The following TPRG1 variants were observed in gnomAD, a reference collection of about 807,000 sequenced individuals.
TPRG1 encodes the protein tumor protein p63-regulated gene 1 protein.
A neutral mutation model predicts 29.3 loss-of-function variants in TPRG1; 29 were observed. The observed-to-expected ratio is 0.99, with a 90% CI of 0.74 to 1.35. TPRG1 has a LOEUF of 1.35. TPRG1 is among the 40% of genes most tolerant of loss of function. The probability of loss-of-function intolerance (pLI) is 0.00; values close to 1 mark genes in which losing one functional copy is unlikely to be tolerated. For synonymous variants in TPRG1, 130 were observed against 116.8 expected (o/e 1.11, Z -0.73); for missense variants, 327 against 335.0 (o/e 0.98, Z 0.19).
intron 3 of TPRG1, among the ~76,000 whole-genome samples, chr3:189,225,223 G>A (rs1457401280): frequency 3.3e-5 from 5 of 152,160 alleles, no homozygotes; most frequent in African/African-American, 7.2e-5. Flanking sequence ...GAGCCATCAC[G>A]CCCTGCCGTC....
At chr3:189,139,141 A>T (rs1238299128) in intron 3 of TPRG1, among the ~76,000 whole-genome samples, 2 of 152,206 alleles carry the variant, frequency 1.3e-5, no homozygotes. Flanking sequence ...GCTGATCCTC[A>T]CAAAGGAGGA....
At chr3:189,180,735 C>T (rs1307218018) in intron 1 of TPRG1, among the ~76,000 whole-genome samples, 2 of 152,138 alleles carry the variant, frequency 1.3e-5, no homozygotes, top group Non-Finnish European at 2.9e-5. Flanking sequence ...CAGTGCAAAC[C>T]GTCAGCGCAT....
intron 4 of TPRG1, among the ~76,000 whole-genome samples, chr3:189,277,509 GT>G (rs71634088): frequency 0.11 from 17,098 of 152,114 alleles, 1,311 homozygotes; most frequent in Admixed American, 0.23. Flanking sequence ...TTTAAAATGT[GT>G]TTTTTCATTT....
intron 3 of TPRG1, among the ~76,000 whole-genome samples, chr3:189,229,644 A>G (rs532016702): frequency 1.3e-5 from 2 of 152,358 alleles, no homozygotes; most frequent in African/African-American, 2.4e-5. Context: ...GGCGCACACC[A>G]GTCAGGAGGA....
chr3:189,310,667 A>C, intron 5 of TPRG1, 128 bp downstream of exon 5: 4 of 412,030 alleles, frequency 9.7e-6, no homozygotes, highest in Non-Finnish European at 1.5e-5. Flanking sequence ...AATAAAATAA[A>C]ACCAGCAATT....
chr3:189,289,205 T>G (rs1408402874), intron 4 of TPRG1, among the ~76,000 whole-genome samples: 4 of 152,162 alleles, frequency 2.6e-5, no homozygotes, highest in Non-Finnish European at 4.4e-5. Flanking sequence ...AAAACCTGCT[T>G]CTCTTCTGTA....
chr3:189,192,301 G>A lies in TPRG1; in HGVS notation c.-9-15075G>A, dbSNP rs539546107. Among the ~76,000 whole-genome samples, 7 of 152,218 alleles carry A rather than the reference G, an allele frequency of 4.6e-5. No homozygotes were observed. In the South Asian group the frequency reaches 1.0e-3, roughly 23 times the overall value. On this transcript the variant is annotated intron_variant, in intron 1 of 5. Coordinates refer to ENST00000345063, the MANE Select transcript of TPRG1 (RefSeq NM_198485.4). The stretch of plus-strand genomic sequence containing the variant: ...CTAAATTCCCTTTGCATTTTCTGTC[G>A]TGGAAGCTCCATGTAGTAAAGATAT...
chr3:189,125,817 G>T (rs1327992110), intron 1 of TPRG1, among the ~76,000 whole-genome samples: 5 of 28,364 alleles, frequency 1.8e-4, no homozygotes, highest in African/African-American at 1.5e-3. Context: ...GGTGTTTTGT[G>T]TGTGTGTGTG....
chr3:189,029,561 A>G (rs1437952320), intron 4 of TPRG1, among the ~76,000 whole-genome samples: 1 of 152,264 alleles, frequency 6.6e-6, no homozygotes, highest in Non-Finnish European at 1.5e-5. Context: ...AAGGCAATGT[A>G]GTATAAGCCT....
chr3:189,177,816 T>C (rs962996993), intron 1 of TPRG1, among the ~76,000 whole-genome samples: 3 of 152,152 alleles, frequency 2.0e-5, no homozygotes, highest in Non-Finnish European at 4.4e-5. Flanking sequence ...CTGTAGACAA[T>C]GCATCCCTAA....
chr3:189,293,655 A>G (rs1719390520), intron 4 of TPRG1, among the ~76,000 whole-genome samples: 2 of 152,204 alleles, frequency 1.3e-5, no homozygotes, highest in Admixed American at 1.3e-4. Context: ...AGAAAGGGAC[A>G]TGGTGCAATT....
At chr3:189,306,031 T>A (rs1577020457) in intron 4 of TPRG1, among the ~76,000 whole-genome samples, 1 of 152,242 alleles carries the variant, frequency 6.6e-6, no homozygotes, top group African/African-American at 2.4e-5. Context: ...AAGTTTCTAT[T>A]TGTGCTTTTT....
At chr3:189,105,805 T>C (rs1578369908) in intron 1 of TPRG1, among the ~76,000 whole-genome samples, 1 of 152,148 alleles carries the variant, frequency 6.6e-6, no homozygotes, top group Non-Finnish European at 1.5e-5. Flanking sequence ...ATTAGAAGCT[T>C]ACTTTGGATA....
intron 5 of TPRG1, among the ~76,000 whole-genome samples, chr3:189,155,468 G>A (rs1726536940): frequency 6.6e-6 from 1 of 151,996 alleles, no homozygotes; most frequent in Admixed American, 6.6e-5. Context: ...AGATTATTCT[G>A]GGTTATCCAT....
intron 3 of TPRG1, among the ~76,000 whole-genome samples, chr3:189,138,053 T>C (rs1291908301): frequency 6.6e-6 from 1 of 152,186 alleles, no homozygotes; most frequent in Non-Finnish European, 1.5e-5. Flanking sequence ...GAGGGACACA[T>C]ATGTGTAAAC....
At chr3:189,077,742 G>A (rs1474611410) in intron 4 of TPRG1, among the ~76,000 whole-genome samples, 3 of 152,134 alleles carry the variant, frequency 2.0e-5, no homozygotes, top group African/African-American at 4.8e-5. Context: ...TAGGCACTCA[G>A]TATAGATTAG....
intron 3 of TPRG1, among the ~76,000 whole-genome samples, chr3:189,146,433 C>T (rs897325791): frequency 2.6e-5 from 4 of 152,116 alleles, no homozygotes; most frequent in Admixed American, 6.6e-5. Flanking sequence ...CAAGGTTAGA[C>T]GTATGAGACA....
Position 189,088,127 on chromosome 3 carries a change from A to G in TPRG1, c.-462-38930A>G, listed in dbSNP as rs560895059. ...CATTTTCATGATATTGATTCTTCCT[A>G]TCCATGAGCATCGAATATTCTTCCA... On this transcript the variant is annotated intron_variant, in intron 4 of 10. Coordinates refer to the TPRG1 transcript ENST00000433971. Among the ~76,000 whole-genome samples the G allele has an allele frequency of 3.1e-4, 47 of 152,294 alleles. 2 individuals are homozygous for G. The highest frequency in any genetic ancestry group is 6.8e-3 in the Middle Eastern group (2 of 294).
intron 4 of TPRG1, among the ~76,000 whole-genome samples, chr3:189,249,022 A>AC (rs1741764179): frequency 6.6e-6 from 1 of 151,438 alleles, no homozygotes; most frequent in Non-Finnish European, 1.5e-5. Context: ...TTAGTATATC[A>AC]TATATATAGA....
Sources: allele counts gnomAD v4.1 joint callset (sites outside exome capture counted in the v4.1 genomes callset), GRCh38; gene constraint gnomAD v4.1.1; transcripts MANE v1.5; gene names NCBI Gene and HGNC (gene_info 2026-07-23, HGNC 2026-07-21).